Variants in MYO3A observed in about 807,000 individuals in gnomAD.
MYO3A encodes myosin-IIIa.
Under a neutral mutation model 192.7 loss-of-function variants are expected in MYO3A, and 180 were observed. The observed-to-expected ratio is 0.93, with a 90% CI of 0.83 to 1.06. The LOEUF is 1.06. MYO3A is among the 50% of genes least tolerant of loss of function. The probability of loss-of-function intolerance (pLI) is 0.00; values close to 1 mark genes in which losing one functional copy is unlikely to be tolerated. For missense variants in MYO3A, 1,896 were observed against 1,905.0 expected (o/e 1.00, Z 0.09); for synonymous variants, 628 against 645.3 (o/e 0.97, Z 0.41).
At chr10:25,943,267 A>G (rs1414198694) in intron 2 of MYO3A, among the ~76,000 whole-genome samples, 4 of 152,094 alleles carry the variant, frequency 2.6e-5, no homozygotes, top group African/African-American at 9.7e-5. Flanking sequence ...GTGTACCAGT[A>G]CCACAATGAT....
At chr10:25,940,229 A>G (rs1239414912) in intron 2 of MYO3A, among the ~76,000 whole-genome samples, 5 of 151,730 alleles carry the variant, frequency 3.3e-5, no homozygotes, top group Non-Finnish European at 7.4e-5. Flanking sequence ...GTCTATTTCT[A>G]CTGCTTTTTC....
Position 26,125,412 on chromosome 10 carries a change from T to G in MYO3A, c.1918T>G (p.Cys640Gly). The change falls in exon 19 of 35, where the codon TGC (cysteine) becomes GGC (glycine). Residue 640 changes from cysteine to glycine, a missense_variant. Cys to Gly is a radical substitution (Grantham distance 159, BLOSUM62 -3). Transcript: ENST00000642920. ...TALENCASLL[C>G]IRADELQEAL... ...TTGTTTTTCAGGTGCTTCTTTGCTT[T>G]GCATTCGGGCAGATGAGCTACAAGA... is the stretch of plus-strand genomic sequence containing the variant. 1 of 1,614,040 alleles carries G rather than the reference T, an allele frequency of 6.2e-7. No homozygotes were observed.
intron 14 of MYO3A, among the ~76,000 whole-genome samples, chr10:26,070,803 A>C (rs1835156389): frequency 6.6e-6 from 1 of 151,794 alleles, no homozygotes; most frequent in Non-Finnish European, 1.5e-5. Context: ...TAAAAGTGCC[A>C]TTAACAATAA....
At chr10:26,101,278 A>G (rs915658869) in intron 17 of MYO3A, among the ~76,000 whole-genome samples, 1 of 151,840 alleles carries the variant, frequency 6.6e-6, no homozygotes, top group Non-Finnish European at 1.5e-5. Flanking sequence ...TTTATTTTGA[A>G]CCTGTGTGTG....
chr10:26,115,062 C>T (rs1208047069), intron 17 of MYO3A, among the ~76,000 whole-genome samples: 1 of 152,158 alleles, frequency 6.6e-6, no homozygotes, highest in Non-Finnish European at 1.5e-5. Flanking sequence ...TGACAATGGA[C>T]AGGCAGTCAA....
chr10:26,205,440 TACTC>T (rs1191670320), intron 34 of MYO3A, among the ~76,000 whole-genome samples: 1 of 145,146 alleles, frequency 6.9e-6, no homozygotes, highest in African/African-American at 2.6e-5. Flanking sequence ...ACTACTATTC[TACTC>T]ACTGCTCTGT....
chr10:26,117,433 T>A lies in MYO3A; in HGVS notation c.1777-3243T>A, dbSNP rs530686702. Among the ~76,000 whole-genome samples the A allele has an allele frequency of 3.9e-5, 6 of 152,320 alleles. No homozygotes were observed. The South Asian group carries it at 1.2e-3, about 32-fold the overall frequency. ...TATTTCATCACCCAGGTATTAAGCC[T>A]GGTACCCATTAGTTATTTTTCTTGA... On this transcript the variant is annotated intron_variant, in intron 17 of 34. Coordinates refer to ENST00000642920, the MANE Select transcript of MYO3A (RefSeq NM_017433.5).
At chr10:26,003,804 A>G (rs1368583330) in intron 6 of MYO3A, among the ~76,000 whole-genome samples, 2 of 152,196 alleles carry the variant, frequency 1.3e-5, no homozygotes, top group African/African-American at 2.4e-5. Context: ...TTTCAATACA[A>G]AAGTACAGAA....
At chr10:26,101,403 GTTAA>G (rs1422450445) in intron 17 of MYO3A, among the ~76,000 whole-genome samples, 1 of 152,144 alleles carries the variant, frequency 6.6e-6, no homozygotes, top group African/African-American at 2.4e-5. Context: ...TACATTTAAA[GTTAA>G]TATTGTTATG....
At chr10:26,061,128 A>G (rs922237962) in intron 10 of MYO3A, among the ~76,000 whole-genome samples, 2 of 151,916 alleles carry the variant, frequency 1.3e-5, no homozygotes, top group Non-Finnish European at 2.9e-5. Context: ...ACGGGGTTTC[A>G]CCGTGTTAGC....
intron 14 of MYO3A, among the ~76,000 whole-genome samples, chr10:26,084,402 C>A (rs1254337986): frequency 6.6e-6 from 1 of 152,144 alleles, no homozygotes; most frequent in East Asian, 1.9e-4. Flanking sequence ...CTGTGGTTTT[C>A]TTTTCTTGTG....
chr10:26,133,193 A>C (rs1319959599), intron 20 of MYO3A, among the ~76,000 whole-genome samples: 2 of 152,210 alleles, frequency 1.3e-5, no homozygotes, highest in African/African-American at 4.8e-5. Context: ...TTAGCTCTCC[A>C]AGTGATAAGC....
chr10:26,016,868 T>A lies in MYO3A; in HGVS notation c.557T>A (p.Val186Glu). 1 of 1,614,228 alleles carries A rather than the reference T, an allele frequency of 6.2e-7. No individual in the cohort carries two copies. The highest frequency in any genetic ancestry group is 1.3e-5 in the African/African-American group (1 of 75,070). ...TSTRHRRNTS[V>E]GTPFWMAPEV... is the part of the protein sequence containing the mutation. ...ACCCGGCACCGTCGGAACACATCCG[T>A]AGGAACACCGTTTTGGATGGCTCCT... The change falls in exon 7 of 35, where the codon GTA (valine) becomes GAA (glutamate). Residue 186 changes from valine (V) to glutamate (E), a missense_variant. Transcript: ENST00000642920.
chr10:26,088,222 A>C lies in MYO3A; in HGVS notation c.1379A>C (p.Gln460Pro), dbSNP rs1322717040. Reference sequence around the variant, plus strand: ...ATTTAGGCTAATAACAGAACCTTGCAAGAGAAGATTTTACAAGTGAACAAT... The same window carrying C: ...ATTTAGGCTAATAACAGAACCTTGCCAGAGAAGATTTTACAAGTGAACAAT... The part of the protein sequence containing the change: ...VLGKANNRTL[Q>P]EKILQVNNLV... Residue 460 changes from glutamine (Q) to proline (P), a missense_variant, in exon 15 of 35, where the codon CAA becomes CCA. Gln to Pro is a moderately conservative substitution (Grantham distance 76). Coordinates refer to ENST00000642920, the MANE Select transcript of MYO3A (RefSeq NM_017433.5). The C allele has an allele frequency of 1.2e-6, 2 of 1,610,736 alleles. No homozygotes were observed. The highest frequency in any genetic ancestry group is 2.7e-5 in the African/African-American group (2 of 74,844).
At chr10:26,062,794 C>T (rs1234603441) in intron 10 of MYO3A, among the ~76,000 whole-genome samples, 2 of 151,884 alleles carry the variant, frequency 1.3e-5, no homozygotes, top group African/African-American at 4.8e-5. Context: ...GAAAGAAAAT[C>T]GAAAGACAGG....
intron 34 of MYO3A, among the ~76,000 whole-genome samples, chr10:26,210,987 C>T (rs1203578786): frequency 2.6e-5 from 4 of 151,580 alleles, no homozygotes; most frequent in Non-Finnish European, 5.9e-5. Context: ...CACATGCACA[C>T]ACACACACAC....
chr10:26,004,734 C>T (rs1218039289), intron 6 of MYO3A, among the ~76,000 whole-genome samples: 1 of 152,116 alleles, frequency 6.6e-6, no homozygotes, highest in Non-Finnish European at 1.5e-5. Context: ...GCAATTCTTA[C>T]TCTCTAGATC....
chr10:26,078,671 C>T lies in MYO3A; in HGVS notation c.1359+8270C>T, dbSNP rs537342553. Among the ~76,000 whole-genome samples, 28 of 151,990 alleles carry T rather than the reference C, an allele frequency of 1.8e-4. No individual in the cohort carries two copies. In the East Asian group the frequency reaches 3.9e-3, roughly 21 times the overall value. ...GGGCTATGAACTTTCCTTTTAGCAC[C>T]GCCTTTGCTGTATACTAGAGGTTTT... On this transcript the variant is annotated intron_variant, in intron 14 of 34. Transcript: ENST00000642920.
chr10:26,197,308 C>CT (rs34934022), intron 32 of MYO3A, among the ~76,000 whole-genome samples: 1 of 151,962 alleles, frequency 6.6e-6, no homozygotes, highest in South Asian at 2.1e-4. Context: ...AGTTTCAGTC[C>CT]TTTTTTTGAG....
Sources: allele counts gnomAD v4.1 joint callset (sites outside exome capture counted in the v4.1 genomes callset), GRCh38; gene constraint gnomAD v4.1.1; transcripts MANE v1.5; gene names NCBI Gene and HGNC (gene_info 2026-07-23, HGNC 2026-07-21).